The following ERC2 variants were observed in gnomAD, a reference collection of about 807,000 sequenced individuals.
ERC2 encodes ELKS/RAB6-interacting/CAST family member 2, also known as ERC protein 2.
Under a neutral mutation model 114.8 loss-of-function variants are expected in ERC2, and 42 were observed. The ratio of observed to expected loss-of-function variants is 0.37; its 90% confidence interval spans 0.29 to 0.47. ERC2 has a LOEUF of 0.47. ERC2 is among the 20% of genes least tolerant of loss of function. ERC2 has a pLI of 0.99. For synonymous variants in ERC2, 454 were observed against 425.5 expected, an observed-to-expected ratio of 1.07 and a Z score of -0.82; for missense variants, 939 against 1,150.7, an observed-to-expected ratio of 0.82 and a Z score of 2.66.
At chr3:56,332,507 C>T (rs1338274069) in intron 2 of ERC2, among the ~76,000 whole-genome samples, 1 of 152,174 alleles carries the variant, frequency 6.6e-6, no homozygotes, top group East Asian at 1.9e-4. Flanking sequence ...ATGATTTCTA[C>T]CCAGCTCTTT....
intron 3 of ERC2, among the ~76,000 whole-genome samples, chr3:56,262,798 G>T (rs946560693): frequency 2.2e-4 from 33 of 152,054 alleles, no homozygotes; most frequent in Admixed American, 1.5e-3. Context: ...CCCAATTTTG[G>T]TATCAATTGG....
At chr3:56,140,407 T>A (rs919367125) in intron 5 of ERC2, among the ~76,000 whole-genome samples, 2 of 152,250 alleles carry the variant, frequency 1.3e-5, no homozygotes, top group African/African-American at 4.8e-5. Flanking sequence ...TGCATGTTTT[T>A]AAACTTTATT....
intron 17 of ERC2, among the ~76,000 whole-genome samples, chr3:55,548,862 T>C (rs2054947406): frequency 6.6e-6 from 1 of 152,110 alleles, no homozygotes; most frequent in Non-Finnish European, 1.5e-5. Flanking sequence ...AGCCACCACC[T>C]CTCCCTCCAG....
chr3:56,463,633 A>G (rs56101333), intron 1 of ERC2, among the ~76,000 whole-genome samples: 9,259 of 152,326 alleles, frequency 0.061, 384 homozygotes, highest in South Asian at 0.2. Flanking sequence ...TTAACTGCCC[A>G]ATAGAAGTTA....
At chr3:55,721,491 A>G (rs993005656) in intron 15 of ERC2, among the ~76,000 whole-genome samples, 4 of 152,250 alleles carry the variant, frequency 2.6e-5, no homozygotes, top group African/African-American at 9.6e-5. Flanking sequence ...GAATAATCTC[A>G]GACAATCAAA....
chr3:56,244,163 T>C (rs1192291267), intron 3 of ERC2, among the ~76,000 whole-genome samples: 1 of 152,186 alleles, frequency 6.6e-6, no homozygotes, highest in Non-Finnish European at 1.5e-5. Context: ...GAGCTAAAAC[T>C]TCCTGTCACC....
intron 4 of ERC2, among the ~76,000 whole-genome samples, chr3:56,173,142 A>T (rs535286867): frequency 2.6e-5 from 4 of 152,218 alleles, no homozygotes; most frequent in African/African-American, 9.6e-5. Flanking sequence ...ATTGTAGTTT[A>T]AAAATTTTAC....
intron 17 of ERC2, among the ~76,000 whole-genome samples, chr3:55,618,907 G>C (rs938613125): frequency 6.6e-6 from 1 of 152,162 alleles, no homozygotes; most frequent in Non-Finnish European, 1.5e-5. Flanking sequence ...ATCCTTTCTC[G>C]AGGAGGCAGG....
intron 6 of ERC2, among the ~76,000 whole-genome samples, chr3:56,117,187 C>T (rs2149844861): frequency 1.3e-5 from 2 of 152,320 alleles, no homozygotes; most frequent in South Asian, 4.1e-4. Flanking sequence ...CAGTCATTTG[C>T]AAATGCTCTC....
chr3:56,376,410 G>C (rs1023006476), intron 2 of ERC2, among the ~76,000 whole-genome samples: 1 of 151,930 alleles, frequency 6.6e-6, no homozygotes, highest in Non-Finnish European at 1.5e-5. Context: ...CTCTCAATGG[G>C]TGAGGCTGAG....
At chr3:56,094,092 G>A (rs770088236) in intron 6 of ERC2, among the ~76,000 whole-genome samples, 30 of 152,076 alleles carry the variant, frequency 2.0e-4, no homozygotes, top group Non-Finnish European at 3.7e-4. Flanking sequence ...CACCGAACCC[G>A]TTCTTTTCTA....
chr3:56,273,794 A>G (rs561059056), intron 3 of ERC2, among the ~76,000 whole-genome samples: 6 of 152,280 alleles, frequency 3.9e-5, no homozygotes, highest in African/African-American at 1.4e-4. Context: ...CTGCCAGAAC[A>G]CTGTTGCAAT....
At chr3:56,128,797 G>A (rs949814578) in intron 6 of ERC2, among the ~76,000 whole-genome samples, 1 of 152,144 alleles carries the variant, frequency 6.6e-6, no homozygotes, top group Non-Finnish European at 1.5e-5. Flanking sequence ...CATTGCTGGG[G>A]CTGGGCAAAG....
chr3:55,972,098 C>T (rs1384576530), intron 12 of ERC2, among the ~76,000 whole-genome samples: 1 of 152,162 alleles, frequency 6.6e-6, no homozygotes, highest in African/African-American at 2.4e-5. Context: ...ATCCATCCAT[C>T]CACCTAGTCA....
intron 1 of ERC2, chr3:56,467,018 G>T (rs1404594873): frequency 6.6e-6 from 1 of 152,218 alleles, no homozygotes; most frequent in Non-Finnish European, 1.5e-5. Flanking sequence ...ATAATCAGGG[G>T]GGTGGTGGGT....
At chr3:55,570,469 T>C (rs1367932523) in intron 17 of ERC2, among the ~76,000 whole-genome samples, 1 of 152,102 alleles carries the variant, frequency 6.6e-6, no homozygotes, top group African/African-American at 2.4e-5. Context: ...GATTTCCAGG[T>C]TGGTTCCAAA....
intron 16 of ERC2, among the ~76,000 whole-genome samples, chr3:55,685,116 C>T (rs1178825122): frequency 2.0e-5 from 3 of 152,214 alleles, no homozygotes; most frequent in Non-Finnish European, 2.9e-5. Context: ...AACTGACTTT[C>T]AATACAGTTT....
chr3:56,052,394 C>T (rs1229057324), intron 7 of ERC2, among the ~76,000 whole-genome samples: 3 of 152,194 alleles, frequency 2.0e-5, no homozygotes, highest in Non-Finnish European at 4.4e-5. Flanking sequence ...CAGCAAACTC[C>T]CGCCCACAGG....
At chr3:55,668,180 T>C (rs986617616) in intron 17 of ERC2, among the ~76,000 whole-genome samples, 1 of 152,188 alleles carries the variant, frequency 6.6e-6, no homozygotes, top group African/African-American at 2.4e-5. Context: ...AGCTGGCTCA[T>C]AAACTCATCT....
Sources: allele counts gnomAD v4.1 joint callset (sites outside exome capture counted in the v4.1 genomes callset), GRCh38; gene constraint gnomAD v4.1.1; transcripts MANE v1.5; gene names NCBI Gene and HGNC (gene_info 2026-07-23, HGNC 2026-07-21).